CCDC73: variants seen among roughly 807,000 people sequenced by gnomAD.
CCDC73 encodes the protein coiled-coil domain containing 73.
CCDC73 carries 95 observed loss-of-function variants against 116.5 expected under a neutral mutation model. The ratio of observed to expected loss-of-function variants is 0.82; its 90% CI spans 0.69 to 0.97. CCDC73 has a LOEUF of 0.97. Ranked by LOEUF, CCDC73 falls within the 50% of genes least tolerant of loss-of-function variation. CCDC73 has a pLI of 0.00. For synonymous variants in CCDC73, 398 were observed against 401.3 expected, an observed-to-expected ratio of 0.99 and a Z score of 0.10; for missense variants, 1,066 against 1,206.8, an observed-to-expected ratio of 0.88 and a Z score of 1.73.
chr11:32,712,579 A>T (rs75527671), intron 3 of CCDC73, among the ~76,000 whole-genome samples: 16 of 232 alleles, frequency 0.069, no homozygotes, highest in African/African-American at 0.15. Context: ...TAAATAAAAA[A>T]TAAGAGGCAT....
rs115335371 is a variant in CCDC73 at position 32,793,259 on chromosome 11, T to A, written c.-16+1354A>T. 3.5e-3 allele frequency among the ~76,000 whole-genome samples: 538 copies of A among 152,218 alleles called. 6 individuals are homozygous for A. Among genetic ancestry groups the A allele is most frequent in the African/African-American group, 0.012 (519 of 41,534 alleles). On this transcript the variant is annotated intron_variant, in intron 1 of 17. Coordinates refer to ENST00000335185, the MANE Select transcript of CCDC73 (RefSeq NM_001008391.4). ...TGAAACCAGGGAGAGTTGTAAAGAC[T>A]CAAATTGGCCGAAGAAATGGCTGAG...
chr11:32,728,895 G>C (rs140119436), intron 2 of CCDC73, among the ~76,000 whole-genome samples: 6 of 152,024 alleles, frequency 3.9e-5, no homozygotes, highest in Admixed American at 3.9e-4. Context: ...AGTAGAGATG[G>C]GGTTTCACCA....
chr11:32,689,788 G>A (rs899120558), intron 6 of CCDC73, among the ~76,000 whole-genome samples: 13 of 152,134 alleles, frequency 8.5e-5, no homozygotes, highest in Non-Finnish European at 1.9e-4. Context: ...AAGGTCAGGA[G>A]ATCGAGACCA....
At chr11:32,811,067 A>G in the CCDC73 span, among the ~76,000 whole-genome samples, 2 of 32,820 alleles carry the variant, frequency 6.1e-5, no homozygotes, top group Non-Finnish European at 9.4e-5. Flanking sequence ...TCTCAAAACA[A>G]CAACAACAAC....
chr11:32,806,555 C>T, the CCDC73 span, among the ~76,000 whole-genome samples: 13 of 149,350 alleles, frequency 8.7e-5, 1 homozygote, highest in South Asian at 2.5e-3. Context: ...ACCCAGGAGG[C>T]GGAGGTTGCA....
intron 1 of CCDC73, among the ~76,000 whole-genome samples, chr11:32,772,464 TGGAGGAAAAA>T (rs1850499917): frequency 6.6e-6 from 1 of 152,152 alleles, no homozygotes. Context: ...TGAGGGCATT[TGGAGGAAAAA>T]GGAGGAAATT....
rs768734209 is a variant in CCDC73 at position 32,614,054 on chromosome 11, A to G, written c.2264T>C (p.Met755Thr). 4.3e-6 allele frequency: 7 copies of G among 1,612,844 alleles called. No individual in the cohort carries two copies. The African/African-American group carries it at 5.3e-5, about 12-fold the overall frequency. The change falls in exon 16 of 18, where the codon ATG becomes ACG. Residue 755 changes from methionine to threonine, a missense_variant. By Grantham distance (81) the Met-to-Thr change is moderately conservative. Coordinates refer to ENST00000335185, the MANE Select transcript of CCDC73 (RefSeq NM_001008391.4). The part of the protein sequence containing the change: ...GKTMCKNMSD[M>T]QNSQFNNCLG... ...ACAGTTATTAAATTGACTGTTTTGC[A>G]TATCACTCATATTTTTACACATAGT...
intron 1 of CCDC73, among the ~76,000 whole-genome samples, chr11:32,777,832 G>C (rs1158091233): frequency 2.0e-5 from 3 of 152,054 alleles, no homozygotes; most frequent in Non-Finnish European, 4.4e-5. Context: ...TAATAAAGAA[G>C]GCTAAAATAT....
Position 32,737,273 on chromosome 11 carries a change from G to GTGTGTA in CCDC73, c.136-19127_136-19126insTACACA, listed in dbSNP as rs1341655491. Among the ~76,000 whole-genome samples the GTGTGTA allele has an allele frequency of 9.2e-3, 1,205 of 131,668 alleles. 10 individuals carry two copies. The highest frequency in any genetic ancestry group is 0.024 in the African/African-American group (831 of 34,620). 86.4% of individuals were successfully genotyped at this position (131,668 alleles called of 152,430 possible). ...TGTGTGTGTGTGTGTGTGTGTGTGT[G>GTGTGTA]TATATACATGGTCCATAGGATATTT... On this transcript the variant is annotated intron_variant, in intron 2 of 17. Coordinates refer to ENST00000335185, the MANE Select transcript of CCDC73 (RefSeq NM_001008391.4).
chr11:32,820,861 G>T, the CCDC73 span, among the ~76,000 whole-genome samples: 1 of 151,994 alleles, frequency 6.6e-6, no homozygotes, highest in African/African-American at 2.4e-5. Flanking sequence ...TTACTAATTT[G>T]CTATTTTTAT....
At position 32,760,250 on chromosome 11, in the gene CCDC73, A is replaced by G. The variant is rs374069236; in HGVS notation, c.-7T>C. ...TATTGAAGTTGCTTTCCATATTAATATTTATTTCCTGTAATGTAAAAAGGT... is the reference window on the plus strand; with the variant it reads ...TATTGAAGTTGCTTTCCATATTAATGTTTATTTCCTGTAATGTAAAAAGGT... On this transcript the variant is annotated 5_prime_UTR_variant, in exon 2 of 18. Transcript: ENST00000335185. The G allele has an allele frequency of 1.2e-5, 18 of 1,526,528 alleles. No individual in the cohort carries two copies. In the African/African-American group the frequency reaches 2.5e-4, roughly 22 times the overall value. The allele number at this position is 1,526,528 out of a possible 1,614,324, so 94.6% of individuals were successfully genotyped here.
At chr11:32,762,396 T>C (rs1303190765) in intron 1 of CCDC73, among the ~76,000 whole-genome samples, 1 of 152,052 alleles carries the variant, frequency 6.6e-6, no homozygotes, top group Non-Finnish European at 1.5e-5. Flanking sequence ...ATTTGGCAAA[T>C]GAAGCAAAAT....
the CCDC73 span, among the ~76,000 whole-genome samples, chr11:32,823,450 G>A: frequency 3.2e-4 from 49 of 152,192 alleles, no homozygotes; most frequent in African/African-American, 1.2e-3. Flanking sequence ...CTCCAGCCTT[G>A]GCGACAGAGC....
At position 32,708,997 on chromosome 11, in the gene CCDC73, G is replaced by A. The variant is rs1287568808; in HGVS notation, c.208-6053C>T. Among the ~76,000 whole-genome samples, 11 of 152,160 alleles carry A rather than the reference G, an allele frequency of 7.2e-5. No individual in the cohort carries two copies. The South Asian group carries it at 1.9e-3, about 26-fold the overall frequency. ...CCTTGTCTTGTTCCAGTTCTCAGAGGGAATGTTTTCAACTTCTCCCCGTAT... is the reference window on the plus strand; with the variant it reads ...CCTTGTCTTGTTCCAGTTCTCAGAGAGAATGTTTTCAACTTCTCCCCGTAT... On this transcript the variant is annotated intron_variant, in intron 3 of 17. Transcript: ENST00000335185.
intron 2 of CCDC73, among the ~76,000 whole-genome samples, chr11:32,722,232 C>T (rs557586237): frequency 9.2e-5 from 14 of 152,264 alleles, no homozygotes; most frequent in Non-Finnish European, 1.3e-4. Flanking sequence ...TGGTTACTTT[C>T]ATTTTAGGCA....
chr11:32,698,053 C>A (rs1334254417), intron 6 of CCDC73, among the ~76,000 whole-genome samples: 15 of 129,894 alleles, frequency 1.2e-4, no homozygotes, highest in African/African-American at 4.1e-4. Flanking sequence ...GAGACGGAGT[C>A]TCACTCTGTC....
intron 9 of CCDC73, among the ~76,000 whole-genome samples, chr11:32,674,686 T>G (rs569394568): frequency 6.6e-6 from 1 of 152,166 alleles, no homozygotes; most frequent in Non-Finnish European, 1.5e-5. Flanking sequence ...CCAGCCACAA[T>G]AGAGGTTATG....
upstream of CCDC73, among the ~76,000 whole-genome samples, chr11:32,796,742 G>A (rs1290761797): frequency 6.6e-6 from 1 of 152,128 alleles, no homozygotes; most frequent in African/African-American, 2.4e-5. Flanking sequence ...AGCTGTGGTG[G>A]CTCATGCCTG....
intron 12 of CCDC73, among the ~76,000 whole-genome samples, chr11:32,645,241 G>A (rs1369444523): frequency 6.6e-5 from 10 of 151,724 alleles, no homozygotes; most frequent in Non-Finnish European, 2.9e-5. Context: ...ACTTCCTGAA[G>A]GACCTGCCTG....
Sources: gnomAD v4.1 joint callset for allele counts (sites outside exome capture counted in the v4.1 genomes callset) on GRCh38, gnomAD v4.1.1 for gene constraint, MANE v1.5 for transcripts, NCBI Gene and HGNC (gene_info 2026-07-23, HGNC 2026-07-21) for gene names.